Variants in TTC7B observed in about 807,000 individuals in gnomAD.
TTC7B encodes the protein tetratricopeptide repeat domain 7B, also known as tetratricopeptide repeat protein 7B.
In TTC7B, 28 loss-of-function variants were observed where a neutral mutation model predicts 106.8. The ratio of observed to expected loss-of-function variants is 0.26; its 90% CI spans 0.19 to 0.36. The LOEUF (loss-of-function observed/expected upper bound fraction) is 0.36. Ranked by LOEUF, TTC7B falls within the 10% of genes least tolerant of loss-of-function variation. TTC7B has a pLI of 1.00. For missense variants in TTC7B, 862 were observed against 1,076.4 expected, an observed-to-expected ratio of 0.80 and a Z score of 2.79; for synonymous variants, 405 against 430.6, an observed-to-expected ratio of 0.94 and a Z score of 0.74.
At chr14:90,730,796 C>T (rs1053796200) in intron 4 of TTC7B, among the ~76,000 whole-genome samples, 8 of 152,226 alleles carry the variant, frequency 5.3e-5, no homozygotes, top group African/African-American at 1.9e-4. Flanking sequence ...CTGAGCAAAA[C>T]ACCCTCTCTC....
chr14:90,660,853 T>C (rs1886173799), intron 9 of TTC7B, among the ~76,000 whole-genome samples: 1 of 152,220 alleles, frequency 6.6e-6, no homozygotes, highest in African/African-American at 2.4e-5. Context: ...GTAATAAGCA[T>C]TAACAAGCAC....
intron 1 of TTC7B, among the ~76,000 whole-genome samples, chr14:90,804,813 G>A (rs1219464960): frequency 6.6e-6 from 1 of 152,220 alleles, no homozygotes; most frequent in Non-Finnish European, 1.5e-5. Flanking sequence ...GGGCCAGGGG[G>A]GTAGTTCCTC....
In TTC7B at chr14:90,531,619, CAAAAAAAAAAAA is replaced by C. The variant is rs33973132; in HGVS notation, c.*9737_*9748del. The C allele has an allele frequency of 1.7e-5, 1 of 58,116 alleles. No homozygotes were observed. The highest frequency in any genetic ancestry group is 6.5e-5 in the African/African-American group (1 of 15,372). The allele number at this position is 58,116 out of a possible 1,614,324, so 3.6% of individuals were successfully genotyped here. ...GGACAACAAGAGCGAAACTCCTTCT[CAAAAAAAAAAAA>C]AAAAAAAAAAAAGCCGTGGGTGAAC... On this transcript the variant is annotated 3_prime_UTR_variant, in exon 20 of 20. Transcript: ENST00000328459.
chr14:90,542,146 A>G (rs1595142137), intron 19 of TTC7B, among the ~76,000 whole-genome samples: 1 of 152,146 alleles, frequency 6.6e-6, no homozygotes, highest in South Asian at 2.1e-4. Flanking sequence ...TCACCATGTT[A>G]GCCAGGATGG....
At chr14:90,639,455 T>C (rs772947206) in intron 15 of TTC7B, among the ~76,000 whole-genome samples, 2 of 152,178 alleles carry the variant, frequency 1.3e-5, no homozygotes, top group Non-Finnish European at 2.9e-5. Context: ...AACTCATTAG[T>C]AATGAGGGAT....
chr14:90,636,582 TTCC>T (rs1372340082), intron 15 of TTC7B, among the ~76,000 whole-genome samples: 2 of 152,016 alleles, frequency 1.3e-5, no homozygotes, highest in African/African-American at 4.8e-5. Flanking sequence ...ATATAAAAAT[TTCC>T]TCAACAAATG....
intron 19 of TTC7B, among the ~76,000 whole-genome samples, chr14:90,545,820 C>T (rs1393890151): frequency 6.6e-6 from 1 of 152,234 alleles, no homozygotes; most frequent in Non-Finnish European, 1.5e-5. Context: ...TCTGAGCCAG[C>T]ACCCTCCGTG....
At chr14:90,800,721 G>A (rs2030207482) in intron 1 of TTC7B, among the ~76,000 whole-genome samples, 1 of 152,316 alleles carries the variant, frequency 6.6e-6, no homozygotes, top group Middle Eastern at 3.4e-3. Flanking sequence ...TGAGGCAGGA[G>A]AATGGTGTGA....
chr14:90,576,056 G>A (rs1468697696), intron 19 of TTC7B, among the ~76,000 whole-genome samples: 1 of 151,998 alleles, frequency 6.6e-6, no homozygotes, highest in Non-Finnish European at 1.5e-5. Flanking sequence ...GCATGTGTCA[G>A]GCATCTCAGG....
At chr14:90,701,128 G>A (rs1357967399) in intron 5 of TTC7B, among the ~76,000 whole-genome samples, 1 of 152,078 alleles carries the variant, frequency 6.6e-6, no homozygotes, top group African/African-American at 2.4e-5. Flanking sequence ...GAGCAAGCCA[G>A]CTGCAGCCTG....
In TTC7B at chr14:90,730,061, T is replaced by C; in HGVS notation, c.698+14A>G. ...TCTTTAGGAAGTGGATTTAAAAAAATGAAGATGGCTTACCCATTTTTGAAA... is the reference window on the plus strand; with the variant it reads ...TCTTTAGGAAGTGGATTTAAAAAAACGAAGATGGCTTACCCATTTTTGAAA... On this transcript the variant is annotated intron_variant, in intron 5 of 19. Coordinates refer to ENST00000328459, the MANE Select transcript of TTC7B (RefSeq NM_001010854.2). 6.3e-7 allele frequency: 1 copy of C among 1,592,570 alleles called. No individual in the cohort carries two copies. The highest frequency in any genetic ancestry group is 8.5e-7 in the Non-Finnish European group (1 of 1,173,938).
At chr14:90,713,258 A>G (rs569699435) in intron 5 of TTC7B, among the ~76,000 whole-genome samples, 5 of 152,200 alleles carry the variant, frequency 3.3e-5, no homozygotes, top group Non-Finnish European at 5.9e-5. Flanking sequence ...TGAGACTACA[A>G]GTGCACACCA....
intron 4 of TTC7B, among the ~76,000 whole-genome samples, chr14:90,740,011 T>C (rs1889695414): frequency 6.6e-6 from 1 of 152,258 alleles, no homozygotes; most frequent in African/African-American, 2.4e-5. Context: ...ATGTAATTTA[T>C]TTGGTTAAAT....
intron 5 of TTC7B, among the ~76,000 whole-genome samples, chr14:90,729,577 TC>T (rs1889246039): frequency 6.6e-6 from 1 of 152,212 alleles, no homozygotes; most frequent in African/African-American, 2.4e-5. Context: ...GAGCTGTCCC[TC>T]CCGTTCATGT....
In TTC7B at chr14:90,608,351, C is replaced by T. The variant is rs756248638; in HGVS notation, c.1966+2391G>A. ...CCTGGTCTCTTGGTTAAATTGTCGG[C>T]GTGCAAATCAGTATTTTGCAGCTGC... On this transcript the variant is annotated intron_variant, in intron 17 of 19. Coordinates refer to ENST00000328459, the MANE Select transcript of TTC7B (RefSeq NM_001010854.2). The surrounding 1 kb of genome is among the most constrained non-coding windows in gnomAD (Gnocchi z 5.1). Among the ~76,000 whole-genome samples, 11 of 152,064 alleles carry T rather than the reference C, an allele frequency of 7.2e-5. No individual in the cohort carries two copies. The highest frequency in any genetic ancestry group is 1.3e-4 in the Admixed American group (2 of 15,270).
At position 90,578,349 on chromosome 14, in the gene TTC7B, CT is replaced by C. The variant is rs1566780009; in HGVS notation, c.2108-42del. The stretch of plus-strand genomic sequence containing the variant: ...AACGGCACATGCTTTCCTGGTGCCC[CT>C]CTGAGGCCCTGCGAGCAGCCACCAC... On this transcript the variant is annotated intron_variant, in intron 18 of 19. Coordinates refer to ENST00000328459, the MANE Select transcript of TTC7B (RefSeq NM_001010854.2). The surrounding 1 kb of genome is among the most constrained non-coding windows in gnomAD (Gnocchi z 4.7). 6 of 1,586,992 alleles carry C rather than the reference CT, an allele frequency of 3.8e-6. No individual in the cohort carries two copies. The highest frequency in any genetic ancestry group is 5.2e-6 in the Non-Finnish European group (6 of 1,162,988).
At chr14:90,637,223 A>G (rs771225133) in intron 15 of TTC7B, among the ~76,000 whole-genome samples, 4 of 152,162 alleles carry the variant, frequency 2.6e-5, no homozygotes, top group Non-Finnish European at 5.9e-5. Context: ...TATGAAAAAT[A>G]AACATTATGA....
In TTC7B at chr14:90,538,027, T is replaced by C. The variant is rs1179823774; in HGVS notation, c.*3341A>G. The C allele has an allele frequency of 6.6e-6, 1 of 152,206 alleles. No individual in the cohort carries two copies. Among genetic ancestry groups the C allele is most frequent in the Admixed American group, 6.5e-5 (1 of 15,284 alleles). The allele number at this position is 152,206 out of a possible 1,614,324, so 9.4% of individuals were successfully genotyped here. A position where few individuals can be genotyped will look rare whatever the true frequency, so the allele number is the denominator to read the frequency against. ...GGGAACAGGAACGCCTTGCCTAAGT[T>C]AGGGTCAGCACTAGTCCTGGAATCA... is the stretch of plus-strand genomic sequence containing the variant. On this transcript the variant is annotated 3_prime_UTR_variant, in exon 20 of 20. Coordinates refer to ENST00000328459, the MANE Select transcript of TTC7B (RefSeq NM_001010854.2).
chr14:90,789,546 GA>G (rs1891507229), intron 1 of TTC7B, among the ~76,000 whole-genome samples: 1 of 150,590 alleles, frequency 6.6e-6, no homozygotes, highest in African/African-American at 2.4e-5. Context: ...AACATCGCAA[GA>G]AAAAAAAAGT....
Sources: gnomAD v4.1 joint callset for allele counts (sites outside exome capture counted in the v4.1 genomes callset) on GRCh38, gnomAD v4.1.1 for gene constraint, Gnocchi (gnomAD v3.1) non-coding constraint, MANE v1.5 for transcripts, NCBI Gene and HGNC (gene_info 2026-07-23, HGNC 2026-07-21) for gene names.